Variants in PARM1 observed in about 807,000 individuals in gnomAD.
PARM1 encodes WSC4, cell wall integrity and stress response component 4 homolog.
Under a neutral mutation model 24.6 loss-of-function variants are expected in PARM1, and 14 were observed. That is an observed-to-expected ratio of 0.57 (90% confidence interval 0.38 to 0.89). PARM1 has a LOEUF of 0.89. Among genes scored for constraint, PARM1 ranks in the 40% least tolerant of loss-of-function variants. The pLI, the probability that PARM1 is intolerant of heterozygous loss-of-function variation, is 0.00. For missense variants in PARM1, 362 were observed against 380.4 expected, an observed-to-expected ratio of 0.95 and a Z score of 0.40; for synonymous variants, 179 against 156.6, an observed-to-expected ratio of 1.14 and a Z score of -1.07.
At chr4:74,969,879 A>G (rs1051346688) in intron 1 of PARM1, 1 of 152,240 alleles carries the variant, frequency 6.6e-6, no homozygotes, top group Non-Finnish European at 1.5e-5. Context: ...TTGAGATTGT[A>G]GAAATTGATA....
intron 1 of PARM1, among the ~76,000 whole-genome samples, chr4:74,978,853 A>G (rs146588053): frequency 0.017 from 2,661 of 152,322 alleles, 67 homozygotes; most frequent in African/African-American, 0.06. Context: ...CTGCTCCTGA[A>G]TGACTCCTGG....
At chr4:74,938,617 G>T (rs17249034) in intron 1 of PARM1, among the ~76,000 whole-genome samples, 9,129 of 152,108 alleles carry the variant, frequency 0.06, 367 homozygotes, top group Non-Finnish European at 0.086. Flanking sequence ...CTGCAAGCCG[G>T]GCAACTATTC....
chr4:75,041,205 G>C (rs1723476448), intron 3 of PARM1, among the ~76,000 whole-genome samples: 1 of 152,118 alleles, frequency 6.6e-6, no homozygotes, highest in Non-Finnish European at 1.5e-5. Flanking sequence ...ACTTAAAGAA[G>C]CCAGGCAGGA....
In PARM1 at chr4:74,989,507, C is replaced by T. The variant is rs186850945; in HGVS notation, c.44-22918C>T. ...AGGAAGGGATGTGGAGTTTCCATGC[C>T]CTCTCTGGCAGCCACCCTCCAGGGA... On this transcript the variant is annotated intron_variant, in intron 1 of 3. Transcript: ENST00000307428. Among the ~76,000 whole-genome samples, 9 of 152,206 alleles carry T rather than the reference C, an allele frequency of 5.9e-5. No homozygotes were observed. In the East Asian group the frequency reaches 1.5e-3, roughly 26 times the overall value.
intron 1 of PARM1, among the ~76,000 whole-genome samples, chr4:74,937,268 T>TG (rs1387428439): frequency 6.6e-6 from 1 of 152,162 alleles, no homozygotes; most frequent in Admixed American, 6.5e-5. Flanking sequence ...CATGATTTGT[T>TG]GGGGGTGGTT....
In PARM1 at chr4:75,049,856, CCTTTTTTTT is replaced by C. The variant is rs1343773571; in HGVS notation, c.*3619_*3627del. ...TTGATTCACCTTCTTTGCCTTTAAG[CCTTTTTTTT>C]CTTTTTTTTTTTTTTGGCAAATGAA... On this transcript the variant is annotated 3_prime_UTR_variant, in exon 4 of 4. Transcript: ENST00000307428. The C allele has an allele frequency of 5.4e-5, 7 of 129,590 alleles. No homozygotes were observed. The highest frequency in any genetic ancestry group is 1.1e-4 in the Non-Finnish European group (7 of 62,120). The allele number at this position is 129,590 out of a possible 1,614,324, so 8.0% of individuals were successfully genotyped here.
intron 1 of PARM1, among the ~76,000 whole-genome samples, chr4:74,984,586 C>T (rs538789931): frequency 2.6e-5 from 4 of 152,244 alleles, no homozygotes; most frequent in East Asian, 3.9e-4. Flanking sequence ...TTATCATTTT[C>T]GAACGTTATT....
Position 75,012,594 on chromosome 4 carries a change from A to C in PARM1, c.213A>C (p.Ser71=), listed in dbSNP as rs748693454. Residue 71 remains serine (S), a synonymous_variant, in exon 2 of 4, where the codon TCA becomes TCC. Transcript: ENST00000307428. The stretch of plus-strand genomic sequence containing the variant: ...ACTCGGTGCTCCCAGTTACAGCATC[A>C]GCCCCAACATCTCTGCTTCCTAAGA... The part of the protein sequence containing the change: ...HNNSVLPVTA[S]APTSLLPKNI... 6.2e-7 allele frequency: 1 copy of C among 1,613,996 alleles called. No individual in the cohort carries two copies. The highest frequency in any genetic ancestry group is 8.5e-7 in the Non-Finnish European group (1 of 1,179,896).
chr4:75,014,427 G>A (rs1722939919), intron 2 of PARM1, among the ~76,000 whole-genome samples: 2 of 152,226 alleles, frequency 1.3e-5, no homozygotes, highest in Non-Finnish European at 2.9e-5. Context: ...AGAACCACAG[G>A]GGGTCACAAT....
chr4:74,942,485 G>C (rs1721329879), intron 1 of PARM1, among the ~76,000 whole-genome samples: 2 of 152,210 alleles, frequency 1.3e-5, no homozygotes, highest in Non-Finnish European at 2.9e-5. Context: ...TGAGCTCCTA[G>C]ACTTTCTTCC....
intron 2 of PARM1, among the ~76,000 whole-genome samples, chr4:75,024,311 G>A (rs1464975780): frequency 6.6e-6 from 1 of 152,040 alleles, no homozygotes; most frequent in African/African-American, 2.4e-5. Context: ...ATGACATGGA[G>A]TAAGGCTAAA....
At chr4:75,045,277 C>T (rs1358736136) in intron 3 of PARM1, among the ~76,000 whole-genome samples, 1 of 152,134 alleles carries the variant, frequency 6.6e-6, no homozygotes, top group Non-Finnish European at 1.5e-5. Context: ...ATAATAGGGG[C>T]TGGTATGCTT....
At chr4:74,945,439 A>G (rs1314747538) in intron 1 of PARM1, among the ~76,000 whole-genome samples, 1 of 152,254 alleles carries the variant, frequency 6.6e-6, no homozygotes, top group Non-Finnish European at 1.5e-5. Flanking sequence ...TCATTCTGCT[A>G]CAGCCCTCGA....
intron 3 of PARM1, among the ~76,000 whole-genome samples, chr4:75,041,385 A>T (rs1274818324): frequency 6.6e-6 from 1 of 152,228 alleles, no homozygotes; most frequent in Non-Finnish European, 1.5e-5. Flanking sequence ...TGTCTTAATC[A>T]TCTTTGTATC....
At chr4:74,977,261 C>T (rs1008034295) in intron 1 of PARM1, among the ~76,000 whole-genome samples, 1 of 152,148 alleles carries the variant, frequency 6.6e-6, no homozygotes, top group East Asian at 1.9e-4. Flanking sequence ...TAGAGAGGAA[C>T]ATAAATGACC....
intron 1 of PARM1, among the ~76,000 whole-genome samples, chr4:74,942,360 A>T (rs1372727133): frequency 1.3e-5 from 2 of 152,272 alleles, no homozygotes; most frequent in Admixed American, 6.5e-5. Flanking sequence ...GAGCAATGAC[A>T]AAACTCTACC....
intron 2 of PARM1, among the ~76,000 whole-genome samples, chr4:75,029,260 G>T (rs534411997): frequency 6.6e-6 from 1 of 152,154 alleles, no homozygotes; most frequent in East Asian, 1.9e-4. Flanking sequence ...AGTAGTGGCC[G>T]ACAAGGCTGA....
intron 2 of PARM1, among the ~76,000 whole-genome samples, chr4:75,031,795 T>C (rs1723282142): frequency 6.6e-6 from 1 of 152,220 alleles, no homozygotes; most frequent in East Asian, 1.9e-4. Context: ...AAAAGGTCAG[T>C]TTTTTACACT....
At chr4:74,938,656 T>C (rs1261203112) in intron 1 of PARM1, among the ~76,000 whole-genome samples, 1 of 152,182 alleles carries the variant, frequency 6.6e-6, no homozygotes, top group Non-Finnish European at 1.5e-5. Context: ...ATATAGTTCA[T>C]GACATTTCTT....
Sources: allele counts gnomAD v4.1 joint callset (sites outside exome capture counted in the v4.1 genomes callset), GRCh38; gene constraint gnomAD v4.1.1; transcripts MANE v1.5; gene names NCBI Gene and HGNC (gene_info 2026-07-23, HGNC 2026-07-21).